The following LIMS1 variants were observed in gnomAD, a reference collection of about 807,000 sequenced individuals.
LIMS1 encodes LIM zinc finger domain containing 1, also known as LIM and senescent cell antigen-like-containing domain protein 1.
A neutral mutation model predicts 44.1 loss-of-function variants in LIMS1; 18 were observed. That is an observed-to-expected ratio of 0.41 (90% confidence interval 0.28 to 0.61). The LOEUF is 0.61. LIMS1 is among the 20% of genes least tolerant of loss of function. The probability of loss-of-function intolerance (pLI) is 0.32; values close to 1 mark genes in which losing one functional copy is unlikely to be tolerated. For synonymous variants in LIMS1, 93 were observed against 149.1 expected (o/e 0.62, Z 2.74); for missense variants, 201 against 422.0 (o/e 0.48, Z 4.59).
intron 1 of LIMS1, among the ~76,000 whole-genome samples, chr2:108,650,719 C>G (rs1690420259): frequency 6.6e-6 from 1 of 152,218 alleles, no homozygotes; most frequent in Non-Finnish European, 1.5e-5. Flanking sequence ...AGCCACTGCA[C>G]CTGACCACCA....
chr2:108,601,495 G>A (rs1276446127), intron 1 of LIMS1, among the ~76,000 whole-genome samples: 1 of 152,130 alleles, frequency 6.6e-6, no homozygotes, highest in Non-Finnish European at 1.5e-5. Flanking sequence ...TTTTGCGATT[G>A]TCTATTGTTT....
chr2:108,551,306 T>A (rs1305393292), intron 1 of LIMS1, among the ~76,000 whole-genome samples: 1 of 147,244 alleles, frequency 6.8e-6, no homozygotes, highest in African/African-American at 2.5e-5. Flanking sequence ...TATATATAAA[T>A]ATATATTTTT....
At chr2:108,608,791 C>T (rs563013740) in intron 1 of LIMS1, among the ~76,000 whole-genome samples, 5 of 152,264 alleles carry the variant, frequency 3.3e-5, no homozygotes, top group African/African-American at 9.6e-5. Flanking sequence ...CATTCTGTCA[C>T]TCACCAGTTG....
chr2:108,549,279 C>CTTGTTTTTTT (rs1684598763), intron 1 of LIMS1, among the ~76,000 whole-genome samples: 3 of 55,784 alleles, frequency 5.4e-5, no homozygotes, highest in Non-Finnish European at 9.4e-5. Flanking sequence ...TAAAGTGTTT[C>CTTGTTTTTTT]TTTTTTTTTT....
chr2:108,610,059 C>T (rs1163499084), intron 1 of LIMS1, among the ~76,000 whole-genome samples: 1 of 151,796 alleles, frequency 6.6e-6, no homozygotes, highest in Admixed American at 6.6e-5. Flanking sequence ...AGGAGAATGG[C>T]GTGAACCTGG....
At chr2:108,676,951 G>C (rs62151382) in intron 7 of LIMS1, 181,285 of 458,502 alleles carry the variant, frequency 0.4, 40,640 homozygotes, top group East Asian at 0.82. Flanking sequence ...AAAACACATA[G>C]TTACGTAAAT....
chr2:108,627,961 TGTC>T (rs1236056899), intron 1 of LIMS1, among the ~76,000 whole-genome samples: 6 of 152,218 alleles, frequency 3.9e-5, no homozygotes, highest in African/African-American at 7.2e-5. Flanking sequence ...AGAAATTTGT[TGTC>T]GTAGATTTCT....
intron 1 of LIMS1, among the ~76,000 whole-genome samples, chr2:108,627,094 C>T (rs552316533): frequency 6.6e-6 from 1 of 152,290 alleles, no homozygotes; most frequent in South Asian, 2.1e-4. Flanking sequence ...GTATTCAATA[C>T]AGTCCTGTGC....
chr2:108,618,875 C>T (rs13387990), intron 1 of LIMS1, among the ~76,000 whole-genome samples: 3,192 of 151,590 alleles, frequency 0.021, 51 homozygotes, highest in Non-Finnish European at 0.025. Context: ...TCCCCAAAGG[C>T]CCAGAATTTA....
chr2:108,657,752 A>G (rs1482752471), intron 1 of LIMS1: 3 of 152,414 alleles, frequency 2.0e-5, no homozygotes, highest in African/African-American at 7.2e-5. Context: ...TTTTTGTGAC[A>G]TTTTAATTCT....
intron 1 of LIMS1, among the ~76,000 whole-genome samples, chr2:108,616,949 G>A (rs1199740827): frequency 6.6e-6 from 1 of 152,130 alleles, no homozygotes; most frequent in African/African-American, 2.4e-5. Flanking sequence ...CCCTGTAAAT[G>A]ATTATTTATG....
intron 1 of LIMS1, among the ~76,000 whole-genome samples, chr2:108,608,605 A>G (rs1328381470): frequency 3.3e-5 from 5 of 152,082 alleles, no homozygotes; most frequent in Admixed American, 3.3e-4. Context: ...CGCCCGGCCC[A>G]CTCACATTTT....
At chr2:108,670,214 C>G (rs1236150259) in intron 2 of LIMS1, among the ~76,000 whole-genome samples, 3 of 152,180 alleles carry the variant, frequency 2.0e-5, no homozygotes, top group Non-Finnish European at 4.4e-5. Context: ...GGCTGAGCTA[C>G]TGGCTAACGC....
chr2:108,580,243 T>C (rs747912521), intron 1 of LIMS1, among the ~76,000 whole-genome samples: 2 of 152,190 alleles, frequency 1.3e-5, no homozygotes, highest in Non-Finnish European at 2.9e-5. Flanking sequence ...CTGAGTTGAC[T>C]TCCTCTAACT....
chr2:108,611,175 C>G (rs1452769948), intron 1 of LIMS1, among the ~76,000 whole-genome samples: 1 of 152,194 alleles, frequency 6.6e-6, no homozygotes, highest in African/African-American at 2.4e-5. Context: ...TACGTAATAA[C>G]TGTATAGTAA....
intron 1 of LIMS1, among the ~76,000 whole-genome samples, chr2:108,639,161 G>T (rs1017953108): frequency 6.6e-6 from 1 of 152,180 alleles, no homozygotes; most frequent in African/African-American, 2.4e-5. Context: ...CACTGCATGG[G>T]ACACACAGTG....
intron 1 of LIMS1, among the ~76,000 whole-genome samples, chr2:108,558,707 G>A (rs1389876818): frequency 1.4e-5 from 2 of 145,808 alleles, no homozygotes; most frequent in African/African-American, 2.5e-5. Flanking sequence ...GTCTTACTCT[G>A]TCACCCAGGC....
At chr2:108,637,099 A>ATGTGTGTG (rs74315160) in intron 1 of LIMS1, among the ~76,000 whole-genome samples, 1,397 of 98,544 alleles carry the variant, frequency 0.014, 20 homozygotes, top group Middle Eastern at 0.032. Context: ...ATATACATAT[A>ATGTGTGTG]TGTGTGTGTG....
intron 1 of LIMS1, among the ~76,000 whole-genome samples, chr2:108,653,891 G>T (rs826700): frequency 0.74 from 53,803 of 73,118 alleles, 21,080 homozygotes; most frequent in East Asian, 0.96. Flanking sequence ...AAAAGTTGCA[G>T]TCTTTTGAGT....
Sources: gnomAD v4.1 joint callset for allele counts (sites outside exome capture counted in the v4.1 genomes callset) on GRCh38, gnomAD v4.1.1 for gene constraint, MANE v1.5 for transcripts, NCBI Gene and HGNC (gene_info 2026-07-23, HGNC 2026-07-21) for gene names.